The following THSD7B variants were observed in gnomAD, a reference collection of about 807,000 sequenced individuals.
The protein encoded by THSD7B is thrombospondin type 1 domain containing 7B.
A neutral mutation model predicts 213.6 loss-of-function variants in THSD7B; 138 were observed. The observed-to-expected ratio is 0.65, with a 90% confidence interval of 0.56 to 0.74. The LOEUF is 0.74. THSD7B is among the 30% of genes least tolerant of loss of function. THSD7B has a pLI of 0.00. For missense variants in THSD7B, 1,931 were observed against 1,991.5 expected (o/e 0.97, Z 0.58); for synonymous variants, 742 against 687.0 (o/e 1.08, Z -1.25).
intron 12 of THSD7B, among the ~76,000 whole-genome samples, chr2:137,320,052 G>A (rs1684228240): frequency 6.6e-6 from 1 of 152,152 alleles, no homozygotes. Flanking sequence ...TGCTGTGTCA[G>A]CTTTGGAGCA....
At chr2:137,106,649 A>G (rs1408540531) in intron 4 of THSD7B, among the ~76,000 whole-genome samples, 37 of 152,346 alleles carry the variant, frequency 2.4e-4, no homozygotes, top group Non-Finnish European at 7.3e-5. Context: ...TATCCATTTG[A>G]CAAAGGACTA....
intron 15 of THSD7B, among the ~76,000 whole-genome samples, chr2:137,452,874 T>C (rs1687680789): frequency 6.6e-6 from 1 of 152,212 alleles, no homozygotes; most frequent in Non-Finnish European, 1.5e-5. Context: ...ATAGCACTTA[T>C]ACCCTTGGGA....
Position 137,581,765 on chromosome 2 carries a change from A to T in THSD7B, c.3423+9209A>T, listed in dbSNP as rs560138620. Among the ~76,000 whole-genome samples, 108 of 142,196 alleles carry T rather than the reference A, an allele frequency of 7.6e-4. 5 individuals carry two copies. In the South Asian group the frequency reaches 0.019, roughly 25 times the overall value. 93.3% of individuals were successfully genotyped at this position (142,196 alleles called of 152,430 possible). ...ACAGAGCGAGACTCCGTCTCAAAAA[A>T]AAAAATAAAAAAAAAAAAAATAATA... is the stretch of plus-strand genomic sequence containing the variant. On this transcript the variant is annotated intron_variant, in intron 17 of 27. Coordinates refer to ENST00000409968, the MANE Select transcript of THSD7B (RefSeq NM_001316349.2).
intron 2 of THSD7B, among the ~76,000 whole-genome samples, chr2:137,016,844 T>A (rs1376012432): frequency 1.3e-5 from 2 of 152,212 alleles, no homozygotes; most frequent in Non-Finnish European, 2.9e-5. Flanking sequence ...CTTTTGCAAG[T>A]GCTTCTAACT....
chr2:137,599,937 C>T (rs1421533765), intron 17 of THSD7B, among the ~76,000 whole-genome samples: 1 of 152,120 alleles, frequency 6.6e-6, no homozygotes, highest in Non-Finnish European at 1.5e-5. Flanking sequence ...TTGTAAGATT[C>T]AGAAATCCTC....
chr2:137,275,319 C>G (rs1469927700), intron 11 of THSD7B, among the ~76,000 whole-genome samples: 1 of 151,966 alleles, frequency 6.6e-6, no homozygotes, highest in Non-Finnish European at 1.5e-5. Flanking sequence ...TACTCTATAA[C>G]CTATTGAGAT....
intron 1 of THSD7B, among the ~76,000 whole-genome samples, chr2:136,797,358 T>A (rs1350893138): frequency 6.6e-6 from 1 of 151,972 alleles, no homozygotes; most frequent in African/African-American, 2.4e-5. Context: ...AACCCTTCCA[T>A]GTTTTGAATG....
intron 1 of THSD7B, among the ~76,000 whole-genome samples, chr2:136,781,958 A>G (rs990395781): frequency 6.6e-6 from 1 of 152,228 alleles, no homozygotes; most frequent in Non-Finnish European, 1.5e-5. Context: ...TTACAGAATG[A>G]AAATCCACAG....
chr2:137,325,112 T>G (rs1303904462), intron 12 of THSD7B, among the ~76,000 whole-genome samples: 1 of 152,256 alleles, frequency 6.6e-6, no homozygotes, highest in Non-Finnish European at 1.5e-5. Flanking sequence ...GGCCACAGGT[T>G]AATAACTCAT....
intron 15 of THSD7B, among the ~76,000 whole-genome samples, chr2:137,467,297 C>T (rs1688015024): frequency 6.6e-6 from 1 of 152,182 alleles, no homozygotes; most frequent in Admixed American, 6.6e-5. Flanking sequence ...AGCAATGTCT[C>T]AGTCACACCT....
chr2:137,049,674 T>C (rs2104870110), intron 2 of THSD7B, among the ~76,000 whole-genome samples: 1 of 152,304 alleles, frequency 6.6e-6, no homozygotes, highest in South Asian at 2.1e-4. Context: ...GTTTGACTGA[T>C]GTTCTCAAGC....
intron 1 of THSD7B, among the ~76,000 whole-genome samples, chr2:136,787,666 G>T (rs1573638120): frequency 6.6e-6 from 1 of 152,060 alleles, no homozygotes; most frequent in African/African-American, 2.4e-5. Flanking sequence ...TAGTGGGTAT[G>T]GTAGATTGTA....
intron 7 of THSD7B, among the ~76,000 whole-genome samples, chr2:137,228,488 A>G (rs988164906): frequency 6.6e-6 from 1 of 152,186 alleles, no homozygotes; most frequent in African/African-American, 2.4e-5. Flanking sequence ...GAGATACAAT[A>G]AAACTTATGT....
chr2:137,009,374 G>A (rs35771916), intron 2 of THSD7B, among the ~76,000 whole-genome samples: 15,817 of 152,084 alleles, frequency 0.1, 915 homozygotes, highest in African/African-American at 0.14. Flanking sequence ...CTTTGTGGTG[G>A]AAAACTGTTT....
chr2:137,493,774 T>C (rs1053012991), intron 15 of THSD7B, among the ~76,000 whole-genome samples: 1 of 152,204 alleles, frequency 6.6e-6, no homozygotes, highest in African/African-American at 2.4e-5. Context: ...TTTCTTTATT[T>C]AATTTTTTAT....
At chr2:137,570,730 A>G (rs1681337838) in intron 16 of THSD7B, among the ~76,000 whole-genome samples, 1 of 152,086 alleles carries the variant, frequency 6.6e-6, no homozygotes, top group African/African-American at 2.4e-5. Flanking sequence ...TGCCATTTTC[A>G]TCTTTATCTT....
At chr2:137,355,349 T>A (rs1336752848) in intron 12 of THSD7B, among the ~76,000 whole-genome samples, 1 of 152,146 alleles carries the variant, frequency 6.6e-6, no homozygotes, top group Non-Finnish European at 1.5e-5. Flanking sequence ...AGTGATATCA[T>A]ATGGCTGACA....
At chr2:136,906,138 A>T (rs72617048) in intron 2 of THSD7B, among the ~76,000 whole-genome samples, 28,087 of 152,018 alleles carry the variant, frequency 0.18, 3,580 homozygotes, top group East Asian at 0.64. Context: ...GGGCCTTTAA[A>T]AATATTTTTT....
intron 7 of THSD7B, among the ~76,000 whole-genome samples, chr2:137,189,699 A>T (rs1346879560): frequency 1.3e-5 from 2 of 151,876 alleles, no homozygotes; most frequent in East Asian, 3.9e-4. Flanking sequence ...TTTTGTTGCG[A>T]TTGCTTTTAA....
Sources: gnomAD v4.1 joint callset for allele counts (sites outside exome capture counted in the v4.1 genomes callset) on GRCh38, gnomAD v4.1.1 for gene constraint, MANE v1.5 for transcripts, NCBI Gene and HGNC (gene_info 2026-07-23, HGNC 2026-07-21) for gene names.